Variants in PDXDC1 observed in about 807,000 individuals in gnomAD.
PDXDC1 encodes the protein pyridoxal-dependent decarboxylase domain-containing protein 1.
In PDXDC1, 42 loss-of-function variants were observed where a neutral mutation model predicts 100.1. The ratio of observed to expected loss-of-function variants is 0.42; its 90% confidence interval spans 0.33 to 0.54. The LOEUF is 0.54. PDXDC1 is among the 20% of genes least tolerant of loss of function. The pLI is 0.10. For missense variants in PDXDC1, 636 were observed against 979.2 expected (o/e 0.65, Z 4.68); for synonymous variants, 260 against 371.7 (o/e 0.70, Z 3.46).
intron 16 of PDXDC1, chr16:15,063,097 G>C (rs559382329): frequency 1.1e-6 from 1 of 897,258 alleles, no homozygotes; most frequent in African/African-American, 1.6e-5. Context: ...CCTAAAGTGC[G>C]GGGATTACAC....
At chr16:15,047,648 A>C in intron 16 of PDXDC1, 4 of 1,004,888 alleles carry the variant, frequency 4.0e-6, no homozygotes, top group Non-Finnish European at 6.4e-6. Flanking sequence ...CTCATCTTTG[A>C]ATATCCTGTA....
intron 21 of PDXDC1, 127 bp downstream of exon 21, chr16:15,034,680 C>T (rs562874824): frequency 4.2e-5 from 31 of 739,302 alleles, no homozygotes; most frequent in East Asian, 1.8e-4. Flanking sequence ...GGGTGTGGGC[C>T]GGACATCTGA....
intron 8 of PDXDC1, among the ~76,000 whole-genome samples, chr16:15,011,307 G>A (rs1329957451): frequency 6.6e-6 from 1 of 152,284 alleles, no homozygotes; most frequent in Non-Finnish European, 1.5e-5. Context: ...AGGGAGAAAG[G>A]ACCATCTTTT....
chr16:15,148,832 G>C, the PDXDC1 span, among the ~76,000 whole-genome samples: 1 of 152,100 alleles, frequency 6.6e-6, no homozygotes, highest in Non-Finnish European at 1.5e-5. Context: ...ATTCCCAACT[G>C]CTACAGACAC....
the PDXDC1 span, among the ~76,000 whole-genome samples, chr16:15,146,545 C>G: frequency 6.6e-6 from 1 of 152,092 alleles, no homozygotes; most frequent in Non-Finnish European, 1.5e-5. Flanking sequence ...TAGGCACAAG[C>G]AGGAGTAGGC....
rs2046121942 is a variant in PDXDC1 at position 15,091,302 on chromosome 16, C to T, written c.1400-47577C>T. The stretch of plus-strand genomic sequence containing the variant: ...CAATAATTTTGCTAATGATCAAACA[C>T]AAAATTAATTACCTTTATGTCTGGA... On this transcript the variant is annotated intron_variant, in intron 16 of 16. Coordinates refer to the PDXDC1 transcript ENST00000535621. The T allele has an allele frequency of 3.7e-6, 6 of 1,602,860 alleles. No homozygotes were observed. The East Asian group carries it at 1.1e-4, about 30-fold the overall frequency.
intron 16 of PDXDC1, among the ~76,000 whole-genome samples, chr16:15,051,535 T>TG (rs1445537179): frequency 2.0e-5 from 3 of 151,894 alleles, no homozygotes; most frequent in Admixed American, 6.6e-5. Flanking sequence ...TTTGTAGAGA[T>TG]GGGGTCTCCC....
At chr16:15,010,100 G>A (rs1381323866) in intron 8 of PDXDC1, among the ~76,000 whole-genome samples, 2 of 152,292 alleles carry the variant, frequency 1.3e-5, no homozygotes, top group South Asian at 2.1e-4. Context: ...AGGCTGGAGT[G>A]CAGTAGCACA....
intron 16 of PDXDC1, among the ~76,000 whole-genome samples, chr16:15,050,629 G>A (rs1159383413): frequency 1.3e-5 from 2 of 151,572 alleles, no homozygotes; most frequent in Non-Finnish European, 2.9e-5. Context: ...CTACTCTGGA[G>A]GCTCAGGTAG....
chr16:15,071,404 A>G (rs777077174), intron 16 of PDXDC1, among the ~76,000 whole-genome samples: 1 of 152,228 alleles, frequency 6.6e-6, no homozygotes, highest in African/African-American at 2.4e-5. Context: ...CATTGAGAGA[A>G]TATCATTAAA....
In PDXDC1 at chr16:15,117,548, C is replaced by T. The variant is rs531862909; in HGVS notation, c.1400-21331C>T. 2.0e-5 allele frequency among the ~76,000 whole-genome samples: 3 copies of T among 151,396 alleles called. No homozygotes were observed. The East Asian group carries it at 5.9e-4, about 30-fold the overall frequency. ...GGTCTACTAAAAATACACAAATTAG[C>T]TGGGCATGGTGGTGGGCACCTGTAA... On this transcript the variant is annotated intron_variant, in intron 16 of 16. Coordinates refer to the PDXDC1 transcript ENST00000535621.
intron 16 of PDXDC1, chr16:15,133,904 G>A (rs2048228421): frequency 1.8e-5 from 27 of 1,472,026 alleles, no homozygotes; most frequent in East Asian, 7.0e-5. Context: ...GGATGGAGGC[G>A]CAGCCCTCCT....
intron 16 of PDXDC1, chr16:15,061,170 C>T (rs1411626388): frequency 6.6e-6 from 1 of 152,304 alleles, no homozygotes; most frequent in Non-Finnish European, 1.5e-5. Flanking sequence ...GTGTCCCAGA[C>T]CATGTCGGGC....
At chr16:15,124,067 T>C (rs939126393) in intron 16 of PDXDC1, among the ~76,000 whole-genome samples, 1 of 152,206 alleles carries the variant, frequency 6.6e-6, no homozygotes, top group African/African-American at 2.4e-5. Flanking sequence ...GACTGGCCTC[T>C]CAGGGACGTC....
At chr16:14,986,955 C>T (rs1340548345) in intron 1 of PDXDC1, among the ~76,000 whole-genome samples, 1 of 152,292 alleles carries the variant, frequency 6.6e-6, no homozygotes, top group African/African-American at 2.4e-5. Context: ...CCATGTTGGC[C>T]AGGCTGGTCT....
intron 16 of PDXDC1, among the ~76,000 whole-genome samples, chr16:15,066,157 C>T (rs1254173350): frequency 6.6e-6 from 1 of 152,138 alleles, no homozygotes; most frequent in Non-Finnish European, 1.5e-5. Flanking sequence ...AGCCAAGGCT[C>T]ACAGCACTTG....
At chr16:14,987,271 G>A (rs1371190900) in intron 1 of PDXDC1, among the ~76,000 whole-genome samples, 2 of 152,292 alleles carry the variant, frequency 1.3e-5, no homozygotes, top group African/African-American at 4.8e-5. Context: ...TTGAGTACAA[G>A]CTTTTTTAAA....
intron 1 of PDXDC1, among the ~76,000 whole-genome samples, chr16:14,985,465 T>C (rs1969143913): frequency 6.6e-6 from 1 of 152,200 alleles, no homozygotes; most frequent in South Asian, 2.1e-4. Context: ...TTTTTTGTAT[T>C]TCTAGTAGAG....
At chr16:14,984,662 AT>A (rs1350650947) in intron 1 of PDXDC1, among the ~76,000 whole-genome samples, 9 of 150,296 alleles carry the variant, frequency 6.0e-5, no homozygotes, top group African/African-American at 2.2e-4. Context: ...CGCCCAGGTA[AT>A]TTTTTGTATC....
Sources: gnomAD v4.1 joint callset for allele counts (sites outside exome capture counted in the v4.1 genomes callset) on GRCh38, gnomAD v4.1.1 for gene constraint, MANE v1.5 for transcripts, NCBI Gene and HGNC (gene_info 2026-07-23, HGNC 2026-07-21) for gene names.